RAB10: variants seen among roughly 807,000 people sequenced by gnomAD.
RAB10 encodes the protein RAB10, member RAS oncogene family, also known as ras-related protein Rab-10.
Under a neutral mutation model 25.7 loss-of-function variants are expected in RAB10, and 5 were observed. The ratio of observed to expected loss-of-function variants is 0.19; its 90% CI spans 0.10 to 0.41. The LOEUF is 0.41. RAB10 is among the 10% of genes least tolerant of loss of function. The pLI, the probability that RAB10 is intolerant of heterozygous loss-of-function variation, is 1.00. For missense variants in RAB10, 103 were observed against 245.8 expected, an observed-to-expected ratio of 0.42 and a Z score of 3.89; for synonymous variants, 89 against 86.4, an observed-to-expected ratio of 1.03 and a Z score of -0.16.
chr2:26,124,482 C>T (rs79943980), intron 3 of RAB10, among the ~76,000 whole-genome samples: 1,635 of 133,426 alleles, frequency 0.012, 40 homozygotes, highest in African/African-American at 0.043. Flanking sequence ...TTCACTCCAG[C>T]CTTGAGCTCT....
intron 1 of RAB10, among the ~76,000 whole-genome samples, chr2:26,041,183 T>C (rs79595796): frequency 0.013 from 1,990 of 152,262 alleles, 32 homozygotes; most frequent in South Asian, 0.039. Context: ...GTAGTTTATG[T>C]AAAATTTTTC....
At chr2:26,100,775 C>T (rs1215876509) in intron 2 of RAB10, among the ~76,000 whole-genome samples, 2 of 151,732 alleles carry the variant, frequency 1.3e-5, no homozygotes, top group African/African-American at 2.4e-5. Flanking sequence ...TGGATGTCTT[C>T]AGAGATAAAC....
intron 3 of RAB10, among the ~76,000 whole-genome samples, chr2:26,125,547 T>G (rs1482489613): frequency 6.6e-6 from 1 of 150,520 alleles, no homozygotes; most frequent in African/African-American, 2.4e-5. Flanking sequence ...CTTCCCAGGC[T>G]CAAGTGATTC....
intron 2 of RAB10, among the ~76,000 whole-genome samples, chr2:26,100,494 C>T (rs552798094): frequency 3.3e-5 from 5 of 152,180 alleles, no homozygotes; most frequent in African/African-American, 7.2e-5. Flanking sequence ...AGAAGTGATA[C>T]GTTTCTAGGA....
chr2:26,071,868 TAAAA>T (rs1276401028), intron 1 of RAB10, among the ~76,000 whole-genome samples: 1 of 152,018 alleles, frequency 6.6e-6, no homozygotes, highest in Non-Finnish European at 1.5e-5. Context: ...CTCAGTCTCT[TAAAA>T]AAATAAATAA....
At chr2:26,072,341 G>A (rs542355972) in intron 1 of RAB10, among the ~76,000 whole-genome samples, 3 of 152,056 alleles carry the variant, frequency 2.0e-5, no homozygotes, top group Non-Finnish European at 2.9e-5. Context: ...ACTTGAACAC[G>A]GGAGGTGGGG....
intron 5 of RAB10, 31 bp from the exon 6 acceptor site, chr2:26,134,907 A>C: frequency 6.5e-7 from 1 of 1,548,976 alleles, no homozygotes; most frequent in East Asian, 2.3e-5. Flanking sequence ...GTGTTTTTTC[A>C]TGAGTTATTT....
At chr2:26,043,070 A>C (rs1665926179) in intron 1 of RAB10, among the ~76,000 whole-genome samples, 1 of 152,198 alleles carries the variant, frequency 6.6e-6, no homozygotes, top group Admixed American at 6.6e-5. Context: ...AAAAATTAAA[A>C]ATGAAATTAC....
At chr2:26,060,139 A>G (rs1299907063) in intron 1 of RAB10, among the ~76,000 whole-genome samples, 1 of 152,180 alleles carries the variant, frequency 6.6e-6, no homozygotes, top group African/African-American at 2.4e-5. Flanking sequence ...GAATTTGTGA[A>G]TTCGTGTGAA....
chr2:26,116,593 G>T (rs1260389331), intron 3 of RAB10, among the ~76,000 whole-genome samples: 2 of 111,780 alleles, frequency 1.8e-5, no homozygotes, highest in Non-Finnish European at 3.3e-5. Flanking sequence ...GTCTTGCTCT[G>T]TCGCCCAGGC....
At chr2:26,095,476 G>T (rs756026182) in intron 1 of RAB10, among the ~76,000 whole-genome samples, 1 of 152,166 alleles carries the variant, frequency 6.6e-6, no homozygotes, top group African/African-American at 2.4e-5. Flanking sequence ...GCATGGTGGC[G>T]GATGCCTGTA....
intron 3 of RAB10, among the ~76,000 whole-genome samples, chr2:26,117,041 A>G (rs1389760565): frequency 6.6e-6 from 1 of 152,168 alleles, no homozygotes; most frequent in Non-Finnish European, 1.5e-5. Context: ...AAGAATTTAT[A>G]TACTCTTAAA....
At chr2:26,072,295 A>G (rs183647586) in intron 1 of RAB10, among the ~76,000 whole-genome samples, 1 of 152,322 alleles carries the variant, frequency 6.6e-6, no homozygotes, top group East Asian at 1.9e-4. Flanking sequence ...ACCCACCTGT[A>G]TTCTCAGCTA....
intron 3 of RAB10, among the ~76,000 whole-genome samples, chr2:26,121,511 T>C (rs1309843339): frequency 1.3e-5 from 2 of 152,132 alleles, no homozygotes; most frequent in African/African-American, 4.8e-5. Flanking sequence ...AAAACAAATC[T>C]TTTGGAAAAA....
At chr2:26,065,554 G>A (rs1034389030) in intron 1 of RAB10, among the ~76,000 whole-genome samples, 1 of 152,016 alleles carries the variant, frequency 6.6e-6, no homozygotes, top group Admixed American at 6.6e-5. Flanking sequence ...ATTTCCAACT[G>A]ATTAGAAAAT....
In RAB10 at chr2:26,093,492, G is replaced by A. The variant is rs142845014; in HGVS notation, c.128-5170G>A. On this transcript the variant is annotated intron_variant, in intron 1 of 5. Transcript: ENST00000264710. Reference sequence around the variant, plus strand: ...CAGCACATATTTTCTTCTGAAGTTCGATTTACCTTTAGGTCTGTTTATGTA... The same window carrying A: ...CAGCACATATTTTCTTCTGAAGTTCAATTTACCTTTAGGTCTGTTTATGTA... Among the ~76,000 whole-genome samples, 187 of 152,246 alleles carry A rather than the reference G, an allele frequency of 1.2e-3. 3 individuals are homozygous for A. The East Asian group carries it at 0.03, about 25-fold the overall frequency.
At chr2:26,049,894 A>G (rs1402287984) in intron 1 of RAB10, among the ~76,000 whole-genome samples, 1 of 151,992 alleles carries the variant, frequency 6.6e-6, no homozygotes, top group Non-Finnish European at 1.5e-5. Flanking sequence ...TACTCCAGCA[A>G]CCTCTCAAAA....
Position 26,050,137 on chromosome 2 carries a change from T to C in RAB10, c.127+15402T>C, listed in dbSNP as rs528158428. Among the ~76,000 whole-genome samples the C allele has an allele frequency of 2.0e-5, 3 of 152,348 alleles. No homozygotes were observed. In the South Asian group the frequency reaches 6.2e-4, roughly 32 times the overall value. On this transcript the variant is annotated intron_variant, in intron 1 of 5. Transcript: ENST00000264710. Reference sequence around the variant, plus strand: ...TGGTTTACTGCCTTTGAGCATATCATCCTATCGTAGCTTTTTGCTAAAAGG... The same window carrying C: ...TGGTTTACTGCCTTTGAGCATATCACCCTATCGTAGCTTTTTGCTAAAAGG...
At chr2:26,046,170 C>T (rs1011804340) in intron 1 of RAB10, among the ~76,000 whole-genome samples, 5 of 151,920 alleles carry the variant, frequency 3.3e-5, no homozygotes, top group Admixed American at 3.3e-4. Context: ...ACTAAAAATA[C>T]AAAAATTAGC....
Sources: allele counts gnomAD v4.1 joint callset (sites outside exome capture counted in the v4.1 genomes callset), GRCh38; gene constraint gnomAD v4.1.1; transcripts MANE v1.5; gene names NCBI Gene and HGNC (gene_info 2026-07-23, HGNC 2026-07-21).